Variants in PRR5L observed in about 807,000 individuals in gnomAD.
The protein encoded by PRR5L is proline-rich protein 5-like.
A neutral mutation model predicts 36.4 loss-of-function variants in PRR5L; 21 were observed. The observed-to-expected ratio is 0.58, with a 90% CI of 0.41 to 0.83. The LOEUF (loss-of-function observed/expected upper bound fraction) is 0.83, where lower values mean the gene tolerates loss of function less well. PRR5L is among the 40% of genes least tolerant of loss of function. The probability of loss-of-function intolerance (pLI) is 0.00; values close to 1 mark genes in which losing one functional copy is unlikely to be tolerated. For synonymous variants in PRR5L, 188 were observed against 197.0 expected, an observed-to-expected ratio of 0.95 and a Z score of 0.38; for missense variants, 381 against 473.3, an observed-to-expected ratio of 0.80 and a Z score of 1.81.
chr11:36,423,710 G>T (rs1353749326), intron 4 of PRR5L, among the ~76,000 whole-genome samples: 1 of 152,182 alleles, frequency 6.6e-6, no homozygotes, highest in Non-Finnish European at 1.5e-5. Flanking sequence ...TACACAGGGG[G>T]GCTTTGAACA....
chr11:36,396,065 A>G (rs1309157874), intron 1 of PRR5L: 2 of 152,188 alleles, frequency 1.3e-5, no homozygotes, highest in African/African-American at 2.4e-5. Context: ...TTGCGTGTGT[A>G]TAAACTTTTA....
intron 5 of PRR5L, among the ~76,000 whole-genome samples, chr11:36,436,584 T>C (rs953735201): frequency 3.9e-5 from 6 of 152,178 alleles, no homozygotes; most frequent in Non-Finnish European, 8.8e-5. Context: ...GTAAAGTGGG[T>C]GGAGGAAACA....
At chr11:36,447,373 A>G (rs1468267197) in intron 7 of PRR5L, among the ~76,000 whole-genome samples, 2 of 152,210 alleles carry the variant, frequency 1.3e-5, no homozygotes, top group African/African-American at 4.8e-5. Context: ...AGCTTGGGCT[A>G]GATGATTCCT....
chr11:36,318,094 A>C (rs1856575855), intron 1 of PRR5L, among the ~76,000 whole-genome samples: 1 of 152,202 alleles, frequency 6.6e-6, no homozygotes, highest in Non-Finnish European at 1.5e-5. Context: ...ATTGTGTTAC[A>C]ATTGCCTACA....
chr11:36,319,092 G>A (rs539375565), intron 1 of PRR5L, among the ~76,000 whole-genome samples: 2 of 152,270 alleles, frequency 1.3e-5, no homozygotes, highest in African/African-American at 4.8e-5. Context: ...ATGAAATAAA[G>A]GGGATAAAGG....
At chr11:36,383,934 G>T (rs1857413876) in intron 1 of PRR5L, among the ~76,000 whole-genome samples, 1 of 152,036 alleles carries the variant, frequency 6.6e-6, no homozygotes, top group Non-Finnish European at 1.5e-5. Context: ...GACCTCAGGT[G>T]ATCTGCCCGC....
intron 3 of PRR5L, among the ~76,000 whole-genome samples, chr11:36,409,130 C>G (rs1433952443): frequency 6.6e-6 from 1 of 152,086 alleles, no homozygotes; most frequent in Non-Finnish European, 1.5e-5. Context: ...ACAATTAGAC[C>G]TAGGAGAAAA....
intron 1 of PRR5L, among the ~76,000 whole-genome samples, chr11:36,328,516 A>G (rs973627968): frequency 6.6e-6 from 1 of 152,038 alleles, no homozygotes; most frequent in African/African-American, 2.4e-5. Context: ...TTTGTTTTCC[A>G]CCATGATTGA....
chr11:36,329,158 C>T (rs1240554693), intron 1 of PRR5L: 1 of 151,982 alleles, frequency 6.6e-6, no homozygotes, highest in Non-Finnish European at 1.5e-5. Flanking sequence ...AGAAATTGGG[C>T]CCAAAGTGTC....
intron 1 of PRR5L, among the ~76,000 whole-genome samples, chr11:36,384,858 T>G (rs1857430705): frequency 6.7e-6 from 1 of 150,298 alleles, no homozygotes; most frequent in South Asian, 2.1e-4. Flanking sequence ...TTTTTTAGAG[T>G]TGGGATCTGG....
intron 1 of PRR5L, among the ~76,000 whole-genome samples, chr11:36,372,291 G>C (rs1857205569): frequency 1.3e-5 from 2 of 152,028 alleles, no homozygotes; most frequent in Admixed American, 1.3e-4. Flanking sequence ...AATGGGAATG[G>C]GGTGGGCAGG....
At chr11:36,417,960 C>A (rs1858181923) in intron 3 of PRR5L, among the ~76,000 whole-genome samples, 1 of 152,210 alleles carries the variant, frequency 6.6e-6, no homozygotes, top group Admixed American at 6.5e-5. Context: ...CTTACCTTGT[C>A]TGGATCAAAA....
intron 1 of PRR5L, among the ~76,000 whole-genome samples, chr11:36,396,619 G>T (rs1437616634): frequency 6.6e-6 from 1 of 152,164 alleles, no homozygotes; most frequent in Non-Finnish European, 1.5e-5. Flanking sequence ...TTATTTGCCA[G>T]GTACAGTTCT....
intron 1 of PRR5L, among the ~76,000 whole-genome samples, chr11:36,396,574 T>C (rs2133550499): frequency 6.6e-6 from 1 of 152,306 alleles, no homozygotes; most frequent in Middle Eastern, 3.4e-3. Context: ...TACGACAACA[T>C]GATTTTATTT....
At chr11:36,399,560 C>G (rs1185682929) in intron 1 of PRR5L, among the ~76,000 whole-genome samples, 2 of 152,162 alleles carry the variant, frequency 1.3e-5, no homozygotes, top group Non-Finnish European at 2.9e-5. Flanking sequence ...CCCCTGGCAA[C>G]CTGAAGGTTG....
intron 1 of PRR5L, chr11:36,376,206 G>A (rs572228886): frequency 7.7e-7 from 1 of 1,298,778 alleles, no homozygotes. Context: ...GGTGAGAGTT[G>A]CTGAAGGGGA....
At chr11:36,414,305 G>T (rs2133575387) in intron 3 of PRR5L, among the ~76,000 whole-genome samples, 1 of 147,806 alleles carries the variant, frequency 6.8e-6, no homozygotes, top group South Asian at 2.2e-4. Flanking sequence ...TTCCACAATG[G>T]TTGAACTAGT....
At chr11:36,351,503 T>A (rs868831255) in intron 1 of PRR5L, among the ~76,000 whole-genome samples, 7 of 12,424 alleles carry the variant, frequency 5.6e-4, no homozygotes, top group African/African-American at 1.5e-3. Context: ...ATATATATTT[T>A]TATATATTTA....
intron 8 of PRR5L, chr11:36,453,913 G>A (rs1236472874): frequency 4.6e-5 from 7 of 152,524 alleles, no homozygotes; most frequent in African/African-American, 1.7e-4. Flanking sequence ...GGAGGGTTTG[G>A]AGGACAGGAG....
Sources: gnomAD v4.1 joint callset for allele counts (sites outside exome capture counted in the v4.1 genomes callset) on GRCh38, gnomAD v4.1.1 for gene constraint, MANE v1.5 for transcripts, NCBI Gene and HGNC (gene_info 2026-07-23, HGNC 2026-07-21) for gene names.